The following DLG5 variants were observed in gnomAD, a reference collection of about 807,000 sequenced individuals.
DLG5 encodes disks large homolog 5.
A neutral mutation model predicts 189.8 loss-of-function variants in DLG5; 48 were observed. The observed-to-expected ratio is 0.25, with a 90% CI of 0.20 to 0.32. The LOEUF (loss-of-function observed/expected upper bound fraction) is 0.32, where lower values mean the gene tolerates loss of function less well. Ranked by LOEUF, DLG5 falls within the 10% of genes least tolerant of loss-of-function variation. DLG5 has a pLI of 1.00. For missense variants in DLG5, 2,160 were observed against 2,544.7 expected (o/e 0.85, Z 3.25); for synonymous variants, 1,016 against 1,054.1 (o/e 0.96, Z 0.70).
intron 7 of DLG5, among the ~76,000 whole-genome samples, chr10:77,839,751 A>T (rs1214206403): frequency 6.6e-6 from 1 of 152,222 alleles, no homozygotes; most frequent in Non-Finnish European, 1.5e-5. Context: ...CCAAATTCTA[A>T]TGCATTATCT....
rs1171001643 is a variant in DLG5, at chr10:77,854,112, C to T, written c.680+115G>A. On this transcript the variant is annotated intron_variant, in intron 4 of 31. Coordinates refer to ENST00000372391, the MANE Select transcript of DLG5 (RefSeq NM_004747.4). Reference sequence around the variant, plus strand: ...ACCTGCTGTAGGCAGACTGCTTGCTCTTGCACAGGGACAGGACTAGAACCA... The same window carrying T: ...ACCTGCTGTAGGCAGACTGCTTGCTTTTGCACAGGGACAGGACTAGAACCA... 4 of 1,371,218 alleles carry T rather than the reference C, an allele frequency of 2.9e-6. No individual in the cohort carries two copies. In the African/African-American group the frequency reaches 5.8e-5, roughly 20 times the overall value. The allele number at this position is 1,371,218 out of a possible 1,614,324, so 84.9% of individuals were successfully genotyped here. A position where few individuals can be genotyped will look rare whatever the true frequency, so the allele number is the denominator to read the frequency against.
At chr10:77,918,958 A>G (rs1248893) in intron 1 of DLG5, among the ~76,000 whole-genome samples, 106,306 of 152,012 alleles carry the variant, frequency 0.7, 38,121 homozygotes, top group African/African-American at 0.86. Flanking sequence ...GCTCATGCCT[A>G]TAATCACAGC....
chr10:77,828,556 A>T (rs1212445163), intron 13 of DLG5, among the ~76,000 whole-genome samples: 2 of 148,168 alleles, frequency 1.3e-5, no homozygotes, highest in African/African-American at 5.0e-5. Context: ...AGTGGTTCTT[A>T]TTTCCCGCTT....
intron 5 of DLG5, among the ~76,000 whole-genome samples, chr10:77,844,835 A>C (rs2154576407): frequency 6.6e-6 from 1 of 152,354 alleles, no homozygotes; most frequent in South Asian, 2.1e-4. Context: ...TTCAGAGGCA[A>C]ATGAAGAAGA....
In DLG5 at chr10:77,865,927, A is replaced by G. The variant is rs549574434; in HGVS notation, c.373+3202T>C. ...CTACACGCCCCAGGCTTCAGCCTCC[A>G]ATTTCTTCTCATGCTGAATACAACC... is the stretch of plus-strand genomic sequence containing the variant. On this transcript the variant is annotated intron_variant, in intron 2 of 31. Coordinates refer to ENST00000372391, the MANE Select transcript of DLG5 (RefSeq NM_004747.4). Among the ~76,000 whole-genome samples, 5 of 152,286 alleles carry G rather than the reference A, an allele frequency of 3.3e-5. No homozygotes were observed. The South Asian group carries it at 1.0e-3, about 32-fold the overall frequency.
the DLG5 span, among the ~76,000 whole-genome samples, chr10:77,932,845 G>A: frequency 6.6e-6 from 1 of 152,176 alleles, no homozygotes; most frequent in Admixed American, 6.5e-5. Context: ...AGGCCCCACT[G>A]CTCTTCCTAG....
chr10:77,808,352 T>A (rs890483177), intron 24 of DLG5, among the ~76,000 whole-genome samples: 1 of 152,186 alleles, frequency 6.6e-6, no homozygotes, highest in Non-Finnish European at 1.5e-5. Context: ...CAGTAGCCTA[T>A]ACCTCTTAGG....
intron 2 of DLG5, among the ~76,000 whole-genome samples, chr10:77,857,664 C>T (rs1006168088): frequency 6.6e-6 from 1 of 152,236 alleles, no homozygotes; most frequent in Non-Finnish European, 1.5e-5. Context: ...GCTGCCACCA[C>T]CACCTCTGAT....
At chr10:77,911,623 A>G (rs541455073) in intron 1 of DLG5, among the ~76,000 whole-genome samples, 12 of 152,168 alleles carry the variant, frequency 7.9e-5, no homozygotes, top group African/African-American at 2.9e-4. Context: ...TACCATTCAG[A>G]CAAGCAAACT....
chr10:77,940,028 G>A, the DLG5 span, among the ~76,000 whole-genome samples: 3 of 152,164 alleles, frequency 2.0e-5, no homozygotes, highest in Non-Finnish European at 2.9e-5. Flanking sequence ...CAGTCTCTGC[G>A]GCAATCAGCC....
intron 1 of DLG5, among the ~76,000 whole-genome samples, chr10:77,898,530 G>A (rs1845831190): frequency 6.6e-6 from 1 of 152,222 alleles, no homozygotes; most frequent in African/African-American, 2.4e-5. Flanking sequence ...TGTGGGCTTG[G>A]CTATTAAAGC....
chr10:77,849,272 C>G (rs1230089396), intron 5 of DLG5, among the ~76,000 whole-genome samples: 1 of 152,240 alleles, frequency 6.6e-6, no homozygotes, highest in African/African-American at 2.4e-5. Context: ...GTTTACAAGG[C>G]GTGGGAGGAA....
chr10:77,918,456 T>C (rs1235732069), intron 1 of DLG5, among the ~76,000 whole-genome samples: 1 of 152,128 alleles, frequency 6.6e-6, no homozygotes, highest in East Asian at 1.9e-4. Context: ...TTATGTAAAT[T>C]ATTATCACAA....
At chr10:77,904,835 T>G (rs1390898527) in intron 1 of DLG5, among the ~76,000 whole-genome samples, 1 of 151,622 alleles carries the variant, frequency 6.6e-6, no homozygotes, top group Non-Finnish European at 1.5e-5. Context: ...GAAGGTAAAA[T>G]CTCCTGGCTC....
rs761513067 is a variant in DLG5 at position 77,835,800 on chromosome 10, C to T, written c.1560G>A (p.Lys520=). ...CCTGGAAGGCCCAGTCCCGCCGGCA[C>T]TTGGCCACATCCGCCTCCTGGAGGG... ...KEALQEADVA[K]CRRDWAFQER... The change falls in exon 8 of 32, where the codon AAG becomes AAA. Residue 520 remains lysine (K), a synonymous_variant. Coordinates refer to ENST00000372391, the MANE Select transcript of DLG5 (RefSeq NM_004747.4). 16 of 1,614,008 alleles carry T rather than the reference C, an allele frequency of 9.9e-6. No homozygotes were observed. The African/African-American group carries it at 2.0e-4, about 20-fold the overall frequency.
intron 25 of DLG5, 42 bp from the exon 26 acceptor site, chr10:77,806,970 C>A (rs1196539918): frequency 6.3e-7 from 1 of 1,584,886 alleles, no homozygotes; most frequent in East Asian, 2.3e-5. Flanking sequence ...GCGGCTCTGG[C>A]CACCAAGGAC....
rs2131888110 is a variant in DLG5, at chr10:77,926,164, G to T, written c.304+53C>A. 1 of 1,316,782 alleles carries T rather than the reference G, an allele frequency of 7.6e-7. No individual in the cohort carries two copies. Among genetic ancestry groups the T allele is most frequent in the Non-Finnish European group, 9.8e-7 (1 of 1,024,662 alleles). 81.6% of individuals were successfully genotyped at this position (1,316,782 alleles called of 1,614,324 possible). A position where few individuals can be genotyped will look rare whatever the true frequency, so the allele number is the denominator to read the frequency against. Reference sequence around the variant, plus strand: ...GGCGAGGTACCCTCGGCCAGCAGGAGGGAGAAGCGGAGGGCGCGTCCCAGA... The same window carrying T: ...GGCGAGGTACCCTCGGCCAGCAGGATGGAGAAGCGGAGGGCGCGTCCCAGA... On this transcript the variant is annotated intron_variant, in intron 1 of 31. Transcript: ENST00000372391. This position sits in a 1 kb window ranked among gnomAD's most constrained non-coding sequence, Gnocchi z 5.2.
intron 27 of DLG5, among the ~76,000 whole-genome samples, chr10:77,797,775 A>G (rs1840997088): frequency 6.6e-6 from 1 of 152,322 alleles, no homozygotes; most frequent in African/African-American, 2.4e-5. Flanking sequence ...GCTCAGGAGA[A>G]CACAAGCACA....
chr10:77,908,271 C>T (rs1382169229), intron 1 of DLG5, among the ~76,000 whole-genome samples: 2 of 152,196 alleles, frequency 1.3e-5, no homozygotes, highest in East Asian at 1.9e-4. Context: ...CTTTCCAATC[C>T]TCCTAGCAAC....
Sources: allele counts gnomAD v4.1 joint callset (sites outside exome capture counted in the v4.1 genomes callset), GRCh38; gene constraint gnomAD v4.1.1; non-coding constraint Gnocchi (gnomAD v3.1); transcripts MANE v1.5; gene names NCBI Gene and HGNC (gene_info 2026-07-23, HGNC 2026-07-21).